Variants in ARAP2 observed in about 807,000 individuals in gnomAD.
ARAP2 encodes the protein arf-GAP with Rho-GAP domain, ANK repeat and PH domain-containing protein 2.
A neutral mutation model predicts 194.5 loss-of-function variants in ARAP2; 148 were observed. That is an observed-to-expected ratio of 0.76 (90% CI 0.67 to 0.87). The LOEUF (loss-of-function observed/expected upper bound fraction) is 0.87, where lower values mean the gene tolerates loss of function less well. Among genes scored for constraint, ARAP2 ranks in the 40% least tolerant of loss-of-function variants. The pLI, the probability that ARAP2 is intolerant of heterozygous loss-of-function variation, is 0.00. For missense variants in ARAP2, 2,128 were observed against 1,989.7 expected, an observed-to-expected ratio of 1.07 and a Z score of -1.32; for synonymous variants, 695 against 683.5, an observed-to-expected ratio of 1.02 and a Z score of -0.26.
chr4:36,105,367 C>T (rs1718112955), intron 27 of ARAP2, among the ~76,000 whole-genome samples: 1 of 151,870 alleles, frequency 6.6e-6, no homozygotes, highest in Admixed American at 6.6e-5. Flanking sequence ...ATATTTCATC[C>T]AAATCTCTGA....
rs1430863308 is a variant in ARAP2 at position 36,119,166 on chromosome 4, A to G, written c.3963+484T>C. Among the ~76,000 whole-genome samples the G allele has an allele frequency of 2.6e-5, 4 of 151,664 alleles. No individual in the cohort carries two copies. In the East Asian group the frequency reaches 5.8e-4, roughly 22 times the overall value. The stretch of plus-strand genomic sequence containing the variant: ...AACAGGACAGGATATAGAAAAGTCA[A>G]CTTAGGACAAAAATTAGAATGTGTT... On this transcript the variant is annotated intron_variant, in intron 24 of 32. Coordinates refer to ENST00000303965, the MANE Select transcript of ARAP2 (RefSeq NM_015230.4).
chr4:36,036,610 G>A (rs961193697), intron 5 of ARAP2, among the ~76,000 whole-genome samples: 1 of 152,040 alleles, frequency 6.6e-6, no homozygotes, highest in African/African-American at 2.4e-5. Context: ...ACCACAGTAA[G>A]TATTTCATAG....
intron 6 of ARAP2, among the ~76,000 whole-genome samples, chr4:36,017,564 T>TTAAAAAAAAAAAA (rs1553863575): frequency 2.3e-5 from 1 of 42,578 alleles, no homozygotes; most frequent in Admixed American, 4.5e-4. Context: ...AAGAAAGTGG[T>TTAAAAAAAAAAAA]AAAAAAAAAA....
chr4:36,158,045 T>C (rs967256524), intron 15 of ARAP2, among the ~76,000 whole-genome samples: 5 of 152,194 alleles, frequency 3.3e-5, no homozygotes, highest in Non-Finnish European at 2.9e-5. Context: ...CATTATATTT[T>C]CCTGCCTATA....
chr4:36,183,193 G>C (rs556008499), intron 8 of ARAP2, among the ~76,000 whole-genome samples: 6 of 152,218 alleles, frequency 3.9e-5, no homozygotes, highest in African/African-American at 1.4e-4. Context: ...AATGTTTCAT[G>C]CCTTGCTTTG....
chr4:36,201,163 C>T (rs1446821396), intron 6 of ARAP2, among the ~76,000 whole-genome samples: 1 of 152,148 alleles, frequency 6.6e-6, no homozygotes, highest in Non-Finnish European at 1.5e-5. Flanking sequence ...TCCAGACAAA[C>T]ATGTGAGACA....
intron 19 of ARAP2, among the ~76,000 whole-genome samples, chr4:36,136,162 G>A (rs570492491): frequency 8.6e-5 from 13 of 151,758 alleles, no homozygotes; most frequent in Non-Finnish European, 1.8e-4. Flanking sequence ...ATAAAGCATC[G>A]AAAGATATTT....
At chr4:36,203,391 C>T (rs1012618695) in intron 6 of ARAP2, among the ~76,000 whole-genome samples, 13 of 152,054 alleles carry the variant, frequency 8.5e-5, no homozygotes, top group Admixed American at 2.6e-4. Flanking sequence ...CAAGACCAGC[C>T]TGAGCAACAT....
chr4:36,124,780 A>G (rs1234627189), intron 22 of ARAP2, 82 bp downstream of exon 22: 2 of 866,998 alleles, frequency 2.3e-6, no homozygotes, highest in African/African-American at 3.4e-5. Flanking sequence ...TGATACGTAG[A>G]AAGATTCACA....
At chr4:36,060,261 GA>G (rs1334483906) in intron 1 of ARAP2, among the ~76,000 whole-genome samples, 1 of 152,152 alleles carries the variant, frequency 6.6e-6, no homozygotes, top group Non-Finnish European at 1.5e-5. Flanking sequence ...CAGATGTTAT[GA>G]AAGATAGGGC....
At chr4:36,125,711 C>A (rs923452661) in intron 21 of ARAP2, among the ~76,000 whole-genome samples, 14 of 152,072 alleles carry the variant, frequency 9.2e-5, no homozygotes, top group African/African-American at 3.4e-4. Flanking sequence ...AGACAGAAAC[C>A]CCCAAAGATC....
At chr4:36,160,051 T>A in intron 13 of ARAP2, 1 of 965,842 alleles carries the variant, frequency 1.0e-6, no homozygotes, top group Non-Finnish European at 1.2e-6. Context: ...ATTATTGACT[T>A]ATGTTATATA....
At chr4:36,130,293 CAA>C (rs1725108791) in intron 20 of ARAP2, among the ~76,000 whole-genome samples, 1 of 151,978 alleles carries the variant, frequency 6.6e-6, no homozygotes. Flanking sequence ...GCCTATGCGG[CAA>C]AGTTTGAGGA....
chr4:36,043,461 G>C (rs1240747561), intron 5 of ARAP2, among the ~76,000 whole-genome samples: 2 of 152,154 alleles, frequency 1.3e-5, no homozygotes, highest in Non-Finnish European at 2.9e-5. Context: ...ATTCCCAGAA[G>C]TTTAGTTAGC....
chr4:36,114,174 C>T lies in ARAP2; in HGVS notation c.4152G>A (p.Glu1384=). 1.3e-6 allele frequency: 2 copies of T among 1,577,798 alleles called. No individual in the cohort carries two copies. Among genetic ancestry groups the T allele is most frequent in the Non-Finnish European group, 1.7e-6 (2 of 1,151,384 alleles). Residue 1384 remains glutamate (E), a synonymous_variant, in exon 26 of 33, where the codon GAG becomes GAA. Coordinates refer to ENST00000303965, the MANE Select transcript of ARAP2 (RefSeq NM_015230.4). ...CCTAGCATAAAAATCACTTACCTAG[C>T]TCTTCATTTTCAATGACTTCAAATG... The part of the protein sequence containing the change: ...WATFEVIENE[E]LERPLHYKEN...
At chr4:36,240,833 A>G (rs1009746283) in intron 1 of ARAP2, among the ~76,000 whole-genome samples, 2 of 152,220 alleles carry the variant, frequency 1.3e-5, no homozygotes, top group African/African-American at 4.8e-5. Flanking sequence ...CAATAAAAAA[A>G]CCTAAAACTT....
intron 1 of ARAP2, among the ~76,000 whole-genome samples, chr4:36,241,614 T>C (rs1753518506): frequency 2.0e-5 from 3 of 152,182 alleles, no homozygotes; most frequent in African/African-American, 4.8e-5. Context: ...AAATGGCACG[T>C]ATATGAACAA....
chr4:36,168,280 G>A (rs1206744030), intron 9 of ARAP2, among the ~76,000 whole-genome samples: 5 of 152,126 alleles, frequency 3.3e-5, no homozygotes, highest in Non-Finnish European at 7.4e-5. Flanking sequence ...CCATCTTCTG[G>A]GGAAGTAACT....
At chr4:36,040,394 T>C (rs1489990655) in intron 5 of ARAP2, among the ~76,000 whole-genome samples, 2 of 152,196 alleles carry the variant, frequency 1.3e-5, no homozygotes, top group Admixed American at 6.5e-5. Flanking sequence ...GATTAGTATT[T>C]GGATAGGAAT....
Sources: gnomAD v4.1 joint callset for allele counts (sites outside exome capture counted in the v4.1 genomes callset) on GRCh38, gnomAD v4.1.1 for gene constraint, MANE v1.5 for transcripts, NCBI Gene and HGNC (gene_info 2026-07-23, HGNC 2026-07-21) for gene names.